Variants in NLGN4X observed in about 807,000 individuals in gnomAD.
NLGN4X encodes neuroligin 4 X-linked.
In NLGN4X, 3 loss-of-function variants were observed where a neutral mutation model predicts 40.3. That is an observed-to-expected ratio of 0.07 (90% confidence interval 0.03 to 0.19). The LOEUF (loss-of-function observed/expected upper bound fraction) is 0.19. NLGN4X is among the 10% of genes least tolerant of loss of function. NLGN4X has a pLI of 1.00. For synonymous variants in NLGN4X, 270 were observed against 306.8 expected, an observed-to-expected ratio of 0.88 and a Z score of 1.25; for missense variants, 382 against 708.3, an observed-to-expected ratio of 0.54 and a Z score of 5.23.
chrX:5,989,084 TAAAAAAAATAAA>T (rs1569171802), intron 3 of NLGN4X, among the ~76,000 whole-genome samples: 3 of 80,467 alleles, frequency 3.7e-5, no homozygotes, highest in East Asian at 8.8e-4. Flanking sequence ...ATAAAAAAAA[TAAAAAAAATAAA>T]AAAAAAAATA....
chrX:5,899,761 G>T (rs2031741164), intron 5 of NLGN4X, among the ~76,000 whole-genome samples: 1 of 108,076 alleles, frequency 9.3e-6, no homozygotes. Context: ...TGGAAGTCAG[G>T]AAGAGCTAAT....
chrX:5,909,663 G>A (rs910444462), intron 3 of NLGN4X, among the ~76,000 whole-genome samples: 21 of 108,474 alleles, frequency 1.9e-4, no homozygotes, highest in African/African-American at 6.7e-4. Flanking sequence ...GGGAGGGGGC[G>A]TAAGTGCACA....
intron 3 of NLGN4X, among the ~76,000 whole-genome samples, chrX:6,021,077 C>CCTCTCTCTCTCTCTCT (rs1423877036): frequency 4.5e-5 from 1 of 22,176 alleles, no homozygotes; most frequent in African/African-American, 2.0e-4. Context: ...TCCCTCCCTC[C>CCTCTCTCTCTCTCTCT]CTCTCTCTCT....
intron 3 of NLGN4X, among the ~76,000 whole-genome samples, chrX:6,027,119 G>A (rs952332137): frequency 8.9e-6 from 1 of 112,099 alleles, no homozygotes; most frequent in African/African-American, 3.2e-5. Flanking sequence ...TTTCTTCCGT[G>A]TGGCCGTGCT....
At position 6,180,826 on chromosome X, in the gene NLGN4X, A is replaced by C. The variant is rs184325668; in HGVS notation, c.-305-29055T>G. Among the ~76,000 whole-genome samples the C allele has an allele frequency of 4.9e-3, 535 of 109,574 alleles. 1 individual carries two copies. The highest frequency in any genetic ancestry group is 8.5e-3 in the Non-Finnish European group (449 of 52,666). On this transcript the variant is annotated intron_variant, in intron 1 of 5. Transcript: ENST00000381095. The stretch of plus-strand genomic sequence containing the variant: ...CTGACAGCTTTTTTTTTTTTATGTT[A>C]ACTTTCATTTCTTGATGTTATTTTC...
intron 1 of NLGN4X, among the ~76,000 whole-genome samples, chrX:6,185,197 G>C (rs188854394): frequency 2.7e-5 from 3 of 112,318 alleles, no homozygotes; most frequent in East Asian, 5.6e-4. Context: ...ACAGGAAAGA[G>C]TGACCGCTGT....
intron 1 of NLGN4X, among the ~76,000 whole-genome samples, chrX:6,156,616 A>G (rs748912463): frequency 3.6e-5 from 4 of 112,425 alleles, no homozygotes; most frequent in African/African-American, 1.3e-4. Context: ...GCAGAAACAG[A>G]AAATCAAATA....
intron 2 of NLGN4X, among the ~76,000 whole-genome samples, chrX:6,109,584 C>T (rs1382209070): frequency 9.0e-6 from 1 of 111,346 alleles, no homozygotes; most frequent in Non-Finnish European, 1.9e-5. Flanking sequence ...TTTAAGAAAA[C>T]TTTCGCAATC....
chrX:6,067,105 TC>T lies in NLGN4X; in HGVS notation c.473-37674del, dbSNP rs139427925. Reference sequence around the variant, plus strand: ...GCCTGGGCAACAGAGTGAGATACAGTCCCCCCCCCAAAACAAAATTAAATAA... The same window carrying T: ...GCCTGGGCAACAGAGTGAGATACAGTCCCCCCCCAAAACAAAATTAAATAA... On this transcript the variant is annotated intron_variant, in intron 2 of 5. Coordinates refer to ENST00000381095, the MANE Select transcript of NLGN4X (RefSeq NM_181332.3). Among the ~76,000 whole-genome samples the T allele has an allele frequency of 1.6e-3, 159 of 102,446 alleles. 1 individual carries two copies. The highest frequency in any genetic ancestry group is 4.6e-3 in the African/African-American group (127 of 27,885). The allele number at this position is 102,446 out of a possible 115,157, so 89.0% of individuals were successfully genotyped here. A position where few individuals can be genotyped will look rare whatever the true frequency, so the allele number is the denominator to read the frequency against.
At chrX:6,156,873 T>C (rs760576987) in intron 1 of NLGN4X, among the ~76,000 whole-genome samples, 1 of 110,788 alleles carries the variant, frequency 9.0e-6, no homozygotes, top group African/African-American at 3.3e-5. Flanking sequence ...GTTGAAATTT[T>C]AAAAAATTGT....
chrX:5,910,184 T>C (rs2032412013), intron 3 of NLGN4X, among the ~76,000 whole-genome samples: 1 of 111,780 alleles, frequency 8.9e-6, no homozygotes, highest in Admixed American at 9.5e-5. Context: ...TGGGAAGACA[T>C]ACACTCTCCT....
At chrX:6,142,035 C>T (rs903301228) in intron 2 of NLGN4X, among the ~76,000 whole-genome samples, 1 of 110,786 alleles carries the variant, frequency 9.0e-6, no homozygotes, top group South Asian at 3.8e-4. Flanking sequence ...AAGTTTCTAT[C>T]TCTGACAATT....
chrX:6,202,520 T>C (rs1923713822), intron 1 of NLGN4X, among the ~76,000 whole-genome samples: 1 of 109,066 alleles, frequency 9.2e-6, no homozygotes. Flanking sequence ...GTACTTTGTG[T>C]AGAGATGGAG....
At chrX:6,225,606 C>G (rs1386351715) in intron 1 of NLGN4X, among the ~76,000 whole-genome samples, 9 of 103,895 alleles carry the variant, frequency 8.7e-5, no homozygotes, top group Non-Finnish European at 2.0e-5. Flanking sequence ...CGCAGAACGC[C>G]CACACAAACT....
Position 6,006,471 on chromosome X carries a change from G to C in NLGN4X, c.625+22809C>G, listed in dbSNP as rs191067389. On this transcript the variant is annotated intron_variant, in intron 3 of 5. Transcript: ENST00000381095. ...TATAAACCAAGTAAATGTAAGTAAT[G>C]TTTTGGCATGTGGTTTAAAGAGTGA... Among the ~76,000 whole-genome samples, 180 of 111,243 alleles carry C rather than the reference G, an allele frequency of 1.6e-3. 1 individual carries two copies. The highest frequency in any genetic ancestry group is 5.1e-3 in the African/African-American group (158 of 30,701).
At chrX:5,926,402 T>C (rs1487165282) in intron 3 of NLGN4X, among the ~76,000 whole-genome samples, 1 of 110,980 alleles carries the variant, frequency 9.0e-6, no homozygotes, top group Non-Finnish European at 1.9e-5. Context: ...TCAGATAGTA[T>C]TGTTCTTTCT....
chrX:5,897,734 A>G (rs1301185730), intron 5 of NLGN4X, among the ~76,000 whole-genome samples: 1 of 112,348 alleles, frequency 8.9e-6, no homozygotes, highest in Non-Finnish European at 1.9e-5. Context: ...TTCATAATTT[A>G]GAGCCTCCGT....
intron 2 of NLGN4X, among the ~76,000 whole-genome samples, chrX:6,084,990 A>C (rs777446233): frequency 1.8e-5 from 2 of 110,491 alleles, no homozygotes; most frequent in East Asian, 5.7e-4. Flanking sequence ...GAAACCACAC[A>C]CTAATGAGAC....
chrX:6,093,648 C>A (rs1178870521), intron 2 of NLGN4X, among the ~76,000 whole-genome samples: 1 of 110,986 alleles, frequency 9.0e-6, no homozygotes, highest in African/African-American at 3.3e-5. Context: ...TTATAGATAT[C>A]TGTCATATGA....
Sources: allele counts gnomAD v4.1 joint callset (sites outside exome capture counted in the v4.1 genomes callset), GRCh38; gene constraint gnomAD v4.1.1; transcripts MANE v1.5; gene names NCBI Gene and HGNC (gene_info 2026-07-23, HGNC 2026-07-21).